SH3RF1: variants seen among roughly 807,000 people sequenced by gnomAD.
The protein encoded by SH3RF1 is E3 ubiquitin-protein ligase SH3RF1.
In SH3RF1, 32 loss-of-function variants were observed where a neutral mutation model predicts 74.0. The ratio of observed to expected loss-of-function variants is 0.43; its 90% CI spans 0.33 to 0.58. The LOEUF (loss-of-function observed/expected upper bound fraction) is 0.58, where lower values mean the gene tolerates loss of function less well. Among genes scored for constraint, SH3RF1 ranks in the 20% least tolerant of loss-of-function variants. The pLI is 0.05. For synonymous variants in SH3RF1, 396 were observed against 439.6 expected (o/e 0.90, Z 1.24); for missense variants, 954 against 1,130.9 (o/e 0.84, Z 2.24).
intron 7 of SH3RF1, 141 bp from the exon 8 acceptor site, chr4:169,121,130 C>T (rs4533724): frequency 0.37 from 255,714 of 682,896 alleles, 51,965 homozygotes; most frequent in African/African-American, 0.7. Context: ...ATAAGTAGCA[C>T]TGACAATTCT....
At chr4:169,110,148 C>G (rs1307273474) in intron 10 of SH3RF1, among the ~76,000 whole-genome samples, 1 of 150,940 alleles carries the variant, frequency 6.6e-6, no homozygotes, top group Non-Finnish European at 1.5e-5. Context: ...GCCAAGGCGG[C>G]AGGATTGCTT....
At chr4:169,204,313 C>T (rs1212916637) in intron 2 of SH3RF1, among the ~76,000 whole-genome samples, 1 of 152,126 alleles carries the variant, frequency 6.6e-6, no homozygotes, top group Non-Finnish European at 1.5e-5. Flanking sequence ...TTTCCAGCAC[C>T]TCATTTCATT....
At chr4:169,179,069 T>A (rs1474177250) in intron 2 of SH3RF1, among the ~76,000 whole-genome samples, 1 of 152,182 alleles carries the variant, frequency 6.6e-6, no homozygotes, top group Non-Finnish European at 1.5e-5. Flanking sequence ...TTGCCTTACA[T>A]GGCAAAAGGG....
At chr4:169,220,353 T>C (rs910979898) in intron 2 of SH3RF1, 1 of 152,252 alleles carries the variant, frequency 6.6e-6, no homozygotes, top group African/African-American at 2.4e-5. Flanking sequence ...TAAATACATG[T>C]TCCTTCGCAA....
chr4:169,125,483 G>A (rs1190105455), intron 6 of SH3RF1, among the ~76,000 whole-genome samples: 1 of 152,184 alleles, frequency 6.6e-6, no homozygotes, highest in Non-Finnish European at 1.5e-5. Context: ...AGGGGAAGTA[G>A]TCCAGTACGT....
chr4:169,213,112 T>C (rs537767836), intron 2 of SH3RF1, among the ~76,000 whole-genome samples: 1 of 152,320 alleles, frequency 6.6e-6, no homozygotes, highest in Non-Finnish European at 1.5e-5. Context: ...GACTGCCAAA[T>C]TGTCTTCCAA....
chr4:169,124,509 G>T (rs927506806), intron 6 of SH3RF1, among the ~76,000 whole-genome samples: 2 of 152,274 alleles, frequency 1.3e-5, no homozygotes, highest in Admixed American at 6.5e-5. Flanking sequence ...AGATCCCAAA[G>T]GTTCTTCCTG....
chr4:169,126,829 G>A (rs1024681952), intron 6 of SH3RF1, among the ~76,000 whole-genome samples: 1 of 152,076 alleles, frequency 6.6e-6, no homozygotes, highest in East Asian at 1.9e-4. Flanking sequence ...GGCCTCAAGT[G>A]ATCCTCCTAC....
rs374324259 is a variant in SH3RF1 at position 169,122,084 on chromosome 4, C to T, written c.1346+16G>A. On this transcript the variant is annotated intron_variant, in intron 7 of 11. Transcript: ENST00000284637. ...AAATGAACACATAAGCAGTAACAGA[C>T]GACACGCTCACTTACACACTGGGGC... 42 of 1,610,128 alleles carry T rather than the reference C, an allele frequency of 2.6e-5. 1 individual carries two copies. The highest frequency in any genetic ancestry group is 1.6e-4 in the East Asian group (7 of 44,828).
chr4:169,263,346 T>C (rs755982660), intron 2 of SH3RF1, among the ~76,000 whole-genome samples: 68 of 152,242 alleles, frequency 4.5e-4, no homozygotes, highest in Non-Finnish European at 4.7e-4. Flanking sequence ...GCCTTACTTG[T>C]TGTTTCTTGT....
At chr4:169,147,678 T>C (rs1733915573) in intron 4 of SH3RF1, among the ~76,000 whole-genome samples, 1 of 152,206 alleles carries the variant, frequency 6.6e-6, no homozygotes, top group Admixed American at 6.5e-5. Context: ...GCAATGTTGT[T>C]TTATAACACT....
chr4:169,120,782 G>A (rs1322283025), intron 8 of SH3RF1, 37 bp downstream of exon 8: 2 of 1,608,078 alleles, frequency 1.2e-6, no homozygotes, highest in Admixed American at 1.7e-5. Context: ...AAGCTTCTCT[G>A]TTTAGAACAT....
intron 2 of SH3RF1, among the ~76,000 whole-genome samples, chr4:169,180,054 G>T (rs1734481864): frequency 6.6e-6 from 1 of 151,732 alleles, no homozygotes; most frequent in South Asian, 2.1e-4. Flanking sequence ...ACTGCATGGG[G>T]ACGTAAGCAG....
intron 10 of SH3RF1, among the ~76,000 whole-genome samples, 158 bp from the exon 11 acceptor site, chr4:169,107,363 T>C (rs75930810): frequency 0.017 from 2,645 of 152,282 alleles, 68 homozygotes; most frequent in African/African-American, 0.061. Flanking sequence ...CAATGTTCGG[T>C]TTGATCTTTT....
At chr4:169,144,421 G>C (rs183343127) in intron 4 of SH3RF1, among the ~76,000 whole-genome samples, 3 of 152,248 alleles carry the variant, frequency 2.0e-5, no homozygotes, top group Admixed American at 6.5e-5. Flanking sequence ...AGGGTCCTCA[G>C]GTATTCAGTG....
intron 2 of SH3RF1, among the ~76,000 whole-genome samples, chr4:169,182,915 T>C: frequency 6.6e-6 from 1 of 151,520 alleles, no homozygotes; most frequent in East Asian, 1.9e-4. Flanking sequence ...ACTACTGAAG[T>C]TGAAGACTTC....
At position 169,104,826 on chromosome 4, in the gene SH3RF1, G is replaced by A. The variant is rs549491363; in HGVS notation, c.2498+2021C>T. 4.9e-4 allele frequency among the ~76,000 whole-genome samples: 74 copies of A among 151,736 alleles called. 1 individual carries two copies. The highest frequency in any genetic ancestry group is 7.5e-4 in the Non-Finnish European group (51 of 67,952). On this transcript the variant is annotated intron_variant, in intron 11 of 11. Coordinates refer to ENST00000284637, the MANE Select transcript of SH3RF1 (RefSeq NM_020870.4). Reference sequence around the variant, plus strand: ...AGAGGCAGGAGAATCACTTGAACCCGGGAAATGGAGGTTGCAGTGAGCCAA... The same window carrying A: ...AGAGGCAGGAGAATCACTTGAACCCAGGAAATGGAGGTTGCAGTGAGCCAA...
At chr4:169,183,832 C>T (rs1421392695) in intron 2 of SH3RF1, among the ~76,000 whole-genome samples, 4 of 151,670 alleles carry the variant, frequency 2.6e-5, no homozygotes, top group African/African-American at 9.7e-5. Context: ...TAGGACACGA[C>T]TGCTTGTTGG....
chr4:169,210,657 A>G (rs2126995671), intron 2 of SH3RF1, among the ~76,000 whole-genome samples: 1 of 152,364 alleles, frequency 6.6e-6, no homozygotes, highest in South Asian at 2.1e-4. Context: ...GTCTCCATGC[A>G]TAGTCGACTG....
Sources: gnomAD v4.1 joint callset for allele counts (sites outside exome capture counted in the v4.1 genomes callset) on GRCh38, gnomAD v4.1.1 for gene constraint, MANE v1.5 for transcripts, NCBI Gene and HGNC (gene_info 2026-07-23, HGNC 2026-07-21) for gene names.